PDE11A: variants seen among roughly 807,000 people sequenced by gnomAD.
PDE11A encodes the protein phosphodiesterase 11A, also known as dual 3',5'-cyclic-AMP and -GMP phosphodiesterase 11A.
A neutral mutation model predicts 100.5 loss-of-function variants in PDE11A; 100 were observed. The ratio of observed to expected loss-of-function variants is 1.00; its 90% CI spans 0.85 to 1.18. PDE11A has a LOEUF of 1.18. Ranked by LOEUF, PDE11A falls within the 50% of genes most tolerant of loss-of-function variation. The pLI, the probability that PDE11A is intolerant of heterozygous loss-of-function variation, is 0.00. For synonymous variants in PDE11A, 381 were observed against 420.8 expected, an observed-to-expected ratio of 0.91 and a Z score of 1.16; for missense variants, 1,141 against 1,152.6, an observed-to-expected ratio of 0.99 and a Z score of 0.15.
At chr2:177,658,194 A>C (rs2080418852) in intron 19 of PDE11A, among the ~76,000 whole-genome samples, 1 of 152,162 alleles carries the variant, frequency 6.6e-6, no homozygotes, top group Admixed American at 6.5e-5. Flanking sequence ...AAGGTCACAA[A>C]ATCATCACAA....
chr2:177,930,374 T>G (rs2085189624), intron 2 of PDE11A, among the ~76,000 whole-genome samples: 1 of 152,072 alleles, frequency 6.6e-6, no homozygotes, highest in Non-Finnish European at 1.5e-5. Context: ...AACAACCATA[T>G]TCAATAAAAA....
At chr2:177,681,591 A>G (rs1368817534) in intron 15 of PDE11A, among the ~76,000 whole-genome samples, 1 of 152,222 alleles carries the variant, frequency 6.6e-6, no homozygotes, top group African/African-American at 2.4e-5. Context: ...TAGTGTCTCA[A>G]CATTTTAAGT....
intron 2 of PDE11A, among the ~76,000 whole-genome samples, chr2:177,919,101 CATT>C (rs1397631392): frequency 6.7e-6 from 1 of 148,706 alleles, no homozygotes; most frequent in Non-Finnish European, 1.5e-5. Context: ...GAAGATTTAA[CATT>C]TTTTTTTTTT....
chr2:177,955,231 T>G (rs756029070), intron 2 of PDE11A, among the ~76,000 whole-genome samples: 2 of 152,210 alleles, frequency 1.3e-5, no homozygotes, highest in African/African-American at 4.8e-5. Context: ...ATTTATGGTT[T>G]TATAGCCTGG....
chr2:177,731,262 T>G (rs780015270), intron 10 of PDE11A, among the ~76,000 whole-genome samples: 2 of 152,236 alleles, frequency 1.3e-5, no homozygotes, highest in Non-Finnish European at 2.9e-5. Context: ...TTAGAGGTTT[T>G]CCTTAGCGGC....
At chr2:177,987,695 AAAAATTGG>A (rs1289311378) in intron 2 of PDE11A, among the ~76,000 whole-genome samples, 1 of 133,750 alleles carries the variant, frequency 7.5e-6, no homozygotes, top group Admixed American at 7.1e-5. Context: ...CTATTGCATT[AAAAATTGG>A]GGTCAACTCT....
chr2:177,646,204 T>C (rs1333179299), intron 19 of PDE11A, among the ~76,000 whole-genome samples: 2 of 152,192 alleles, frequency 1.3e-5, no homozygotes, highest in Non-Finnish European at 2.9e-5. Context: ...GGCTGCATGA[T>C]AGAGTTGGGA....
intron 2 of PDE11A, among the ~76,000 whole-genome samples, chr2:177,951,188 T>C (rs1168357628): frequency 6.6e-6 from 1 of 152,054 alleles, no homozygotes; most frequent in Non-Finnish European, 1.5e-5. Flanking sequence ...TATACAAAAG[T>C]GAAGGAAAGA....
At chr2:177,721,493 C>T (rs557533260) in intron 12 of PDE11A, among the ~76,000 whole-genome samples, 1 of 152,164 alleles carries the variant, frequency 6.6e-6, no homozygotes, top group South Asian at 2.1e-4. Context: ...GAGGTTTCTA[C>T]ATCAAAAGAT....
At chr2:177,766,964 G>C (rs1297957213) in intron 10 of PDE11A, among the ~76,000 whole-genome samples, 1 of 152,146 alleles carries the variant, frequency 6.6e-6, no homozygotes, top group Admixed American at 6.6e-5. Context: ...GCTAACAATA[G>C]AAATGCATAC....
chr2:178,078,549 A>T (rs1029044871), intron 2 of PDE11A, among the ~76,000 whole-genome samples: 1 of 152,162 alleles, frequency 6.6e-6, no homozygotes, highest in Non-Finnish European at 1.5e-5. Context: ...AACGATAATG[A>T]CCCATAAAGT....
chr2:177,997,048 A>G (rs2086084897), intron 2 of PDE11A, among the ~76,000 whole-genome samples: 1 of 152,252 alleles, frequency 6.6e-6, no homozygotes, highest in Non-Finnish European at 1.5e-5. Flanking sequence ...TTACAAAAAT[A>G]GATCATACAT....
At chr2:177,863,539 C>A (rs1310707220) in intron 5 of PDE11A, among the ~76,000 whole-genome samples, 1 of 152,010 alleles carries the variant, frequency 6.6e-6, no homozygotes, top group Admixed American at 6.6e-5. Flanking sequence ...ATAGACATTT[C>A]TCCAATGAAG....
intron 12 of PDE11A, among the ~76,000 whole-genome samples, chr2:177,717,580 T>A (rs2081459586): frequency 6.6e-6 from 1 of 152,162 alleles, no homozygotes; most frequent in African/African-American, 2.4e-5. Context: ...CCCTCACAGT[T>A]CGTATCAGAA....
rs2083582557 is a variant in PDE11A, at chr2:177,845,720, C to T, written c.1368-5337G>A. ...GTTGTAGCAAGCCGAGATCAAGCCACTGCACTCCAGCCTGGGCACCATTGA... is the reference window on the plus strand; with the variant it reads ...GTTGTAGCAAGCCGAGATCAAGCCATTGCACTCCAGCCTGGGCACCATTGA... On this transcript the variant is annotated intron_variant, in intron 5 of 19. Transcript: ENST00000286063. 4.6e-5 allele frequency among the ~76,000 whole-genome samples: 7 copies of T among 152,296 alleles called. No individual in the cohort carries two copies. In the South Asian group the frequency reaches 1.2e-3, roughly 27 times the overall value.
intron 5 of PDE11A, among the ~76,000 whole-genome samples, chr2:177,845,075 T>C (rs1279397655): frequency 6.6e-6 from 1 of 151,268 alleles, no homozygotes. Context: ...GACGGGGTGG[T>C]GGCCGGGCAG....
chr2:177,725,221 T>A (rs2081583179), intron 12 of PDE11A, among the ~76,000 whole-genome samples: 1 of 152,102 alleles, frequency 6.6e-6, no homozygotes, highest in Admixed American at 6.6e-5. Context: ...ACTGATTGAG[T>A]CGTCTTTGTT....
chr2:177,715,236 T>C (rs1160533890), intron 12 of PDE11A, among the ~76,000 whole-genome samples: 1 of 152,246 alleles, frequency 6.6e-6, no homozygotes, highest in African/African-American at 2.4e-5. Flanking sequence ...CTCTATTGTG[T>C]TCTAGCTTCC....
chr2:178,031,646 A>G (rs1463254563), intron 1 of PDE11A, among the ~76,000 whole-genome samples: 1 of 152,174 alleles, frequency 6.6e-6, no homozygotes, highest in African/African-American at 2.4e-5. Context: ...AAAAGACTTA[A>G]AAGACATTAA....
Sources: gnomAD v4.1 joint callset for allele counts (sites outside exome capture counted in the v4.1 genomes callset) on GRCh38, gnomAD v4.1.1 for gene constraint, MANE v1.5 for transcripts, NCBI Gene and HGNC (gene_info 2026-07-23, HGNC 2026-07-21) for gene names.